ELF5: variants seen among roughly 807,000 people sequenced by gnomAD.
ELF5 encodes E74 like ETS transcription factor 5, also known as ETS-related transcription factor Elf-5.
In ELF5, 31 loss-of-function variants were observed where a neutral mutation model predicts 38.2. That is an observed-to-expected ratio of 0.81 (90% CI 0.61 to 1.10). ELF5 has a LOEUF of 1.10. Ranked by LOEUF, ELF5 falls within the 50% of genes least tolerant of loss-of-function variation. The pLI is 0.00. For synonymous variants in ELF5, 121 were observed against 112.5 expected (o/e 1.08, Z -0.48); for missense variants, 300 against 306.6 (o/e 0.98, Z 0.16).
intron 1 of ELF5, among the ~76,000 whole-genome samples, chr11:34,509,206 T>C (rs1850691841): frequency 6.6e-6 from 1 of 152,118 alleles, no homozygotes; most frequent in Non-Finnish European, 1.5e-5. Context: ...GGTGCACACC[T>C]GTAATCCCAG....
intron 2 of ELF5, among the ~76,000 whole-genome samples, chr11:34,494,945 A>G (rs1485317258): frequency 6.6e-6 from 1 of 152,368 alleles, no homozygotes; most frequent in South Asian, 2.1e-4. Flanking sequence ...TTATTATTGA[A>G]TATCTACTAT....
At chr11:34,485,568 TTTGGATGAAGGGGATC>T (rs1409218437) in intron 4 of ELF5, among the ~76,000 whole-genome samples, 2 of 152,200 alleles carry the variant, frequency 1.3e-5, no homozygotes, top group African/African-American at 4.8e-5. Context: ...TCTCCCATGT[TTTGGATGAAGGGGATC>T]TGGCTTGGTA....
At chr11:34,498,515 C>T (rs1444556697) in intron 2 of ELF5, among the ~76,000 whole-genome samples, 1 of 152,138 alleles carries the variant, frequency 6.6e-6, no homozygotes, top group African/African-American at 2.4e-5. Context: ...TTAATGCTGC[C>T]ATCTTTGGTT....
intron 1 of ELF5, chr11:34,511,826 T>G (rs531449589): frequency 3.9e-6 from 2 of 519,272 alleles, no homozygotes; most frequent in East Asian, 3.3e-5. Flanking sequence ...AGGAGGAAAA[T>G]TCCTTCCTGA....
At chr11:34,498,012 G>A (rs1013216425) in intron 2 of ELF5, among the ~76,000 whole-genome samples, 11 of 152,218 alleles carry the variant, frequency 7.2e-5, no homozygotes, top group Admixed American at 3.3e-4. Flanking sequence ...GAGTGGAGGT[G>A]AAGGTATTAG....
In ELF5 at chr11:34,493,481, T is replaced by C. The variant is rs1227188464; in HGVS notation, c.353A>G (p.Gln118Arg). ...GGTCTGGCCCTCTGAACACTGACCT[T>C]GTGTGCGGATGTTCTGGAGGATGAA... ...LYFILQNIRTQGYSFFNDAEE... is the reference protein window; with the variant it reads ...LYFILQNIRTRGYSFFNDAEE... Residue 118 changes from glutamine (Q) to arginine (R), a missense_variant and splice_region_variant, in exon 3 of 7, where the codon CAA becomes CGA. Physicochemically the swap from Gln to Arg is conservative, Grantham distance 43. Transcript: ENST00000257832. 6.2e-7 allele frequency: 1 copy of C among 1,613,136 alleles called. No homozygotes were observed. Among genetic ancestry groups the C allele is most frequent in the Non-Finnish European group, 8.5e-7 (1 of 1,179,604 alleles).
intron 4 of ELF5, 24 bp downstream of exon 4, chr11:34,489,985 G>T: frequency 1.9e-6 from 3 of 1,613,656 alleles, no homozygotes; most frequent in Non-Finnish European, 2.5e-6. Context: ...CAGAGCCTTG[G>T]GTGGCTTGCG....
At chr11:34,504,401 G>A (rs533706482) in intron 2 of ELF5, among the ~76,000 whole-genome samples, 1 of 114,352 alleles carries the variant, frequency 8.7e-6, no homozygotes, top group East Asian at 1.9e-4. Flanking sequence ...TCACATGTGC[G>A]TGTGTGTGTG....
intron 1 of ELF5, among the ~76,000 whole-genome samples, chr11:34,508,330 C>G (rs1850660917): frequency 6.6e-6 from 1 of 151,958 alleles, no homozygotes; most frequent in Admixed American, 6.6e-5. Context: ...GGTGAAACCC[C>G]CGTCTCTACT....
At chr11:34,485,497 C>T (rs990163589) in intron 4 of ELF5, among the ~76,000 whole-genome samples, 5 of 152,246 alleles carry the variant, frequency 3.3e-5, no homozygotes, top group African/African-American at 1.2e-4. Flanking sequence ...CAAGCGTTCA[C>T]TGAAATGCCA....
chr11:34,487,861 A>G (rs7928866), intron 4 of ELF5, among the ~76,000 whole-genome samples: 20,224 of 152,184 alleles, frequency 0.13, 1,496 homozygotes, highest in Admixed American at 0.21. Flanking sequence ...TTAAGTAATT[A>G]AACTGGCCCC....
chr11:34,480,393 A>C, intron 6 of ELF5, 79 bp from the exon 7 acceptor site: 1 of 1,135,798 alleles, frequency 8.8e-7, no homozygotes, highest in Non-Finnish European at 1.3e-6. Flanking sequence ...CTGTCTCCTC[A>C]TTCCTCTCAG....
rs1465406799 is a variant in ELF5, at chr11:34,484,369, TAAC to T, written c.407-1873_407-1871del. Among the ~76,000 whole-genome samples, 7 of 151,682 alleles carry T rather than the reference TAAC, an allele frequency of 4.6e-5. No individual in the cohort carries two copies. The East Asian group carries it at 5.8e-4, about 13-fold the overall frequency. On this transcript the variant is annotated intron_variant, in intron 4 of 6. Transcript: ENST00000257832. Reference sequence around the variant, plus strand: ...CTGTACTATATGAACTAGACTGCACTAACTATACTCTACTGTACTATACTATAC... The same window carrying T: ...CTGTACTATATGAACTAGACTGCACTTATACTCTACTGTACTATACTATAC...
At chr11:34,493,805 T>G in intron 2 of ELF5, 93 bp from the exon 3 acceptor site, 2 of 1,071,946 alleles carry the variant, frequency 1.9e-6, no homozygotes, top group Non-Finnish European at 2.7e-6. Context: ...AACATCCTCA[T>G]TCCTCAGCCA....
At chr11:34,510,479 A>G (rs949023191) in intron 1 of ELF5, among the ~76,000 whole-genome samples, 10 of 152,132 alleles carry the variant, frequency 6.6e-5, no homozygotes, top group African/African-American at 1.2e-4. Flanking sequence ...GGTCCTTGCA[A>G]TAATTGAACA....
Position 34,493,580 on chromosome 11 carries a change from C to T in ELF5, c.254G>A (p.Ser85Asn), listed in dbSNP as rs758215481. The change falls in exon 3 of 7, where the codon AGT (serine) becomes AAT (asparagine). Residue 85 changes from serine (S) to asparagine (N), a missense_variant. Coordinates refer to ENST00000257832, the MANE Select transcript of ELF5 (RefSeq NM_001422.4). ...NCISFCNFNI[S>N]GLQLCSMTQE... ...TGTCATGCTGCACAGCTGCAGGCCA[C>T]TGATGTTGAAGTTGCAGAAGGAGAT... 6.2e-7 allele frequency: 1 copy of T among 1,614,202 alleles called. No homozygotes were observed. The highest frequency in any genetic ancestry group is 8.5e-7 in the Non-Finnish European group (1 of 1,180,048).
At position 34,495,948 on chromosome 11, in the gene ELF5, T is replaced by C. The variant is rs4756156; in HGVS notation, c.122-2236A>G. Among the ~76,000 whole-genome samples the C allele has an allele frequency of 3.9e-4, 59 of 152,240 alleles. 1 individual carries two copies. The highest frequency in any genetic ancestry group is 1.4e-3 in the African/African-American group (57 of 41,548). On this transcript the variant is annotated intron_variant, in intron 2 of 6. Transcript: ENST00000257832. ...TCCTGTGAGAGATGTTTATGAGCCT[T>C]GACATTTTTCAGCTGCGGGCCCTGC...
intron 2 of ELF5, among the ~76,000 whole-genome samples, chr11:34,500,792 C>A (rs1002170800): frequency 6.6e-6 from 1 of 152,208 alleles, no homozygotes; most frequent in Non-Finnish European, 1.5e-5. Context: ...AGCTTCTGTA[C>A]ATAAAACATG....
At chr11:34,485,011 C>T (rs1255750517) in intron 4 of ELF5, among the ~76,000 whole-genome samples, 1 of 152,224 alleles carries the variant, frequency 6.6e-6, no homozygotes, top group Non-Finnish European at 1.5e-5. Context: ...GCCTACCTTA[C>T]TGGAAAGATC....
Sources: gnomAD v4.1 joint callset for allele counts (sites outside exome capture counted in the v4.1 genomes callset) on GRCh38, gnomAD v4.1.1 for gene constraint, MANE v1.5 for transcripts, NCBI Gene and HGNC (gene_info 2026-07-23, HGNC 2026-07-21) for gene names.